GALNT9: variants seen among roughly 807,000 people sequenced by gnomAD.
GALNT9 encodes the protein GalNAc transferase 9.
Under a neutral mutation model 63.1 loss-of-function variants are expected in GALNT9, and 47 were observed. The ratio of observed to expected loss-of-function variants is 0.75; its 90% CI spans 0.59 to 0.95. The LOEUF (loss-of-function observed/expected upper bound fraction) is 0.95. Ranked by LOEUF, GALNT9 falls within the 40% of genes least tolerant of loss-of-function variation. The probability of loss-of-function intolerance (pLI) is 0.00; values close to 1 mark genes in which losing one functional copy is unlikely to be tolerated. For synonymous variants in GALNT9, 396 were observed against 365.7 expected (o/e 1.08, Z -0.94); for missense variants, 829 against 874.8 (o/e 0.95, Z 0.66).
chr12:132,264,889 A>G (rs1879541576), intron 2 of GALNT9, among the ~76,000 whole-genome samples: 1 of 152,144 alleles, frequency 6.6e-6, no homozygotes, highest in African/African-American at 2.4e-5. Context: ...TCCAGGTTCG[A>G]GCCCAGGCGC....
intron 6 of GALNT9, among the ~76,000 whole-genome samples, chr12:132,213,079 T>G (rs1330464290): frequency 8.6e-5 from 6 of 69,422 alleles, no homozygotes; most frequent in Admixed American, 1.6e-4. Flanking sequence ...CCCTCAGACC[T>G]CGACACGGAA....
intron 9 of GALNT9, 68 bp downstream of exon 9, chr12:132,199,106 G>A: frequency 1.9e-6 from 2 of 1,036,442 alleles, no homozygotes; most frequent in Non-Finnish European, 3.0e-6. Flanking sequence ...TCTGCCCCAG[G>A]GTGTAGGGTC....
intron 1 of GALNT9, among the ~76,000 whole-genome samples, chr12:132,295,296 G>A (rs1367328811): frequency 5.3e-5 from 8 of 152,318 alleles, no homozygotes; most frequent in Admixed American, 3.3e-4. Flanking sequence ...AGCGCCAGGC[G>A]CTGTGCAGGC....
intron 6 of GALNT9, 91 bp from the exon 7 acceptor site, chr12:132,203,781 G>C: frequency 7.1e-7 from 1 of 1,400,734 alleles, no homozygotes; most frequent in Non-Finnish European, 9.7e-7. Flanking sequence ...CAAGGGGCCC[G>C]GCCCTCTGTT....
At chr12:132,271,856 G>C (rs934783743) in intron 2 of GALNT9, among the ~76,000 whole-genome samples, 2 of 152,086 alleles carry the variant, frequency 1.3e-5, no homozygotes, top group East Asian at 3.9e-4. Context: ...CCCGTCCCCC[G>C]TGCGCCCTTC....
chr12:132,288,193 T>C (rs1021678296), intron 1 of GALNT9, among the ~76,000 whole-genome samples: 1 of 152,206 alleles, frequency 6.6e-6, no homozygotes, highest in Non-Finnish European at 1.5e-5. Flanking sequence ...GATTCCAGTC[T>C]GTGACCCTCC....
chr12:132,287,958 G>A (rs923071792), intron 1 of GALNT9, among the ~76,000 whole-genome samples: 2 of 152,208 alleles, frequency 1.3e-5, no homozygotes, highest in African/African-American at 2.4e-5. Flanking sequence ...AGAAAGAGGC[G>A]GCATGGACCC....
chr12:132,297,376 A>G (rs901981988), intron 1 of GALNT9, among the ~76,000 whole-genome samples: 25 of 151,562 alleles, frequency 1.6e-4, no homozygotes, highest in African/African-American at 6.1e-4. Context: ...GAGATAACCA[A>G]CTCACTCCCA....
At chr12:132,198,627 A>AC (rs1405469934) in intron 9 of GALNT9, among the ~76,000 whole-genome samples, 3 of 152,058 alleles carry the variant, frequency 2.0e-5, no homozygotes, top group African/African-American at 7.2e-5. Context: ...GGAGTGATGC[A>AC]CCCCCAGCCC....
chr12:132,198,521 T>C (rs374832108), intron 9 of GALNT9, among the ~76,000 whole-genome samples: 5,282 of 149,810 alleles, frequency 0.035, 326 homozygotes, highest in African/African-American at 0.12. Context: ...ATTGCCGTGT[T>C]AATCCACCCC....
At chr12:132,260,890 GGGGGAT>G in intron 4 of GALNT9, 52 bp downstream of exon 4, 1 of 1,461,262 alleles carries the variant, frequency 6.8e-7, no homozygotes, top group Non-Finnish European at 9.0e-7. Context: ...CGGCTTAGGA[GGGGGAT>G]GGTGGAGGGG....
rs1877989274 is a variant in GALNT9 at position 132,236,071 on chromosome 12, G to A, written c.1077+11839C>T. On this transcript the variant is annotated intron_variant, in intron 6 of 10. Transcript: ENST00000328957. The surrounding 1 kb of genome is among the most constrained non-coding windows in gnomAD (Gnocchi z 5.6). Reference sequence around the variant, plus strand: ...TCGGGACAGGGCAGGAGGGTCCCCCGGGCTGGAGTTCAACCCTCGGGACAG... The same window carrying A: ...TCGGGACAGGGCAGGAGGGTCCCCCAGGCTGGAGTTCAACCCTCGGGACAG... Among the ~76,000 whole-genome samples the A allele has an allele frequency of 2.2e-5, 2 of 89,630 alleles. No individual in the cohort carries two copies. Among genetic ancestry groups the A allele is most frequent in the South Asian group, 5.2e-4 (1 of 1,934 alleles). The allele number at this position is 89,630 out of a possible 152,430, so 58.8% of individuals were successfully genotyped here.
chr12:132,209,536 C>T (rs892825889), intron 6 of GALNT9, among the ~76,000 whole-genome samples: 1 of 152,074 alleles, frequency 6.6e-6, no homozygotes, highest in African/African-American at 2.4e-5. Context: ...AGTGACAGAG[C>T]AAGACTTCAT....
intron 6 of GALNT9, among the ~76,000 whole-genome samples, chr12:132,208,914 G>A (rs993997030): frequency 6.6e-6 from 1 of 152,206 alleles, no homozygotes; most frequent in Non-Finnish European, 1.5e-5. Flanking sequence ...TACTAGCCAT[G>A]CATCCCCACT....
chr12:132,264,556 G>C (rs1331661697), intron 2 of GALNT9, among the ~76,000 whole-genome samples: 1 of 152,180 alleles, frequency 6.6e-6, no homozygotes, highest in African/African-American at 2.4e-5. Flanking sequence ...CCGCATGGCC[G>C]GAGGCCGTGT....
At position 132,309,617 on chromosome 12, in the gene GALNT9, G is replaced by A. The variant is rs965301473; in HGVS notation, c.238+19349C>T. 2.6e-5 allele frequency among the ~76,000 whole-genome samples: 4 copies of A among 152,184 alleles called. No homozygotes were observed. The East Asian group carries it at 5.8e-4, about 22-fold the overall frequency. On this transcript the variant is annotated intron_variant, in intron 1 of 10. Coordinates refer to ENST00000328957, the MANE Select transcript of GALNT9 (RefSeq NM_001122636.2). ...GCCACATGATGTCAGAGGCAGAGAC[G>A]ATGCCACGACTGCCCAGTGTCCCCT...
Position 132,304,726 on chromosome 12 carries a change from G to A in GALNT9, c.239-18296C>T, listed in dbSNP as rs144350306. The stretch of plus-strand genomic sequence containing the variant: ...ACCCTCACCTGGGCACAGCCTCACC[G>A]GGGCACACCCTCACCCAGACACAGC... On this transcript the variant is annotated intron_variant, in intron 1 of 10. Transcript: ENST00000328957. 5.0e-4 allele frequency among the ~76,000 whole-genome samples: 2 copies of A among 3,976 alleles called. 1 individual carries two copies. Among genetic ancestry groups the A allele is most frequent in the Non-Finnish European group, 1.0e-3 (2 of 1,998 alleles). 2.6% of individuals were successfully genotyped at this position (3,976 alleles called of 152,430 possible). A position where few individuals can be genotyped will look rare whatever the true frequency, so the allele number is the denominator to read the frequency against.
intron 6 of GALNT9, among the ~76,000 whole-genome samples, chr12:132,206,661 A>AG (rs1491256926): frequency 6.6e-6 from 1 of 150,860 alleles, no homozygotes; most frequent in African/African-American, 2.4e-5. Flanking sequence ...AAAAAAAAAA[A>AG]GGACCAAAAC....
rs1226024390 is a variant in GALNT9, at chr12:132,236,245, T to G, written c.1077+11665A>C. ...ATCGATCTCGTGAATAAATCAGCAA[T>G]GACAGCCCCGACAGGCGGCTGGCGG... On this transcript the variant is annotated intron_variant, in intron 6 of 10. Transcript: ENST00000328957. This position sits in a 1 kb window ranked among gnomAD's most constrained non-coding sequence, Gnocchi z 5.6. Among the ~76,000 whole-genome samples, 10 of 151,890 alleles carry G rather than the reference T, an allele frequency of 6.6e-5. No homozygotes were observed. The highest frequency in any genetic ancestry group is 4.6e-4 in the Admixed American group (7 of 15,258).
Sources: gnomAD v4.1 joint callset for allele counts (sites outside exome capture counted in the v4.1 genomes callset) on GRCh38, gnomAD v4.1.1 for gene constraint, Gnocchi (gnomAD v3.1) non-coding constraint, MANE v1.5 for transcripts, NCBI Gene and HGNC (gene_info 2026-07-23, HGNC 2026-07-21) for gene names.